Variants in NAP1L1 observed in about 807,000 individuals in gnomAD.
NAP1L1 encodes the protein nucleosome assembly protein 1 like 1.
NAP1L1 carries 9 observed loss-of-function variants against 58.9 expected under a neutral mutation model. That is an observed-to-expected ratio of 0.15 (90% CI 0.09 to 0.27). NAP1L1 has a LOEUF of 0.27. Among genes scored for constraint, NAP1L1 ranks in the 10% least tolerant of loss-of-function variants. The pLI is 1.00. For synonymous variants in NAP1L1, 130 were observed against 138.3 expected, an observed-to-expected ratio of 0.94 and a Z score of 0.42; for missense variants, 302 against 458.8, an observed-to-expected ratio of 0.66 and a Z score of 3.12.
chr12:76,049,174 T>C (rs1392918208), intron 14 of NAP1L1, 26 bp downstream of exon 14: 31 of 1,592,012 alleles, frequency 1.9e-5, no homozygotes, highest in Non-Finnish European at 2.5e-5. Context: ...TTAAATTTAA[T>C]AGAAAGCAGC....
chr12:76,054,966 T>A (rs926473896), intron 8 of NAP1L1, 53 bp downstream of exon 8: 172 of 1,308,002 alleles, frequency 1.3e-4, no homozygotes, highest in Non-Finnish European at 1.8e-4. Flanking sequence ...AAGCTTCTAT[T>A]TATCTACCTG....
intron 7 of NAP1L1, 34 bp from the exon 8 acceptor site, chr12:76,055,124 A>T (rs772285602): frequency 1.4e-5 from 20 of 1,446,378 alleles, no homozygotes; most frequent in Non-Finnish European, 1.9e-5. Context: ...AATGAATAAC[A>T]TGGCATTCGA....
intron 1 of NAP1L1, among the ~76,000 whole-genome samples, chr12:76,081,305 T>C (rs1181617656): frequency 3.9e-5 from 6 of 152,162 alleles, no homozygotes; most frequent in Non-Finnish European, 7.3e-5. Context: ...GCTACCTGTC[T>C]CTAAGTAAAT....
At chr12:76,057,598 G>A in intron 6 of NAP1L1, 3 of 1,121,288 alleles carry the variant, frequency 2.7e-6, no homozygotes, top group South Asian at 1.3e-5. Flanking sequence ...AAGGAACAGA[G>A]CCAAGTTAGA....
At chr12:76,052,999 G>C in intron 11 of NAP1L1, 92 bp downstream of exon 11, 1 of 1,265,552 alleles carries the variant, frequency 7.9e-7, no homozygotes, top group South Asian at 1.4e-5. Context: ...AGAACTCAAT[G>C]TAACAACCAT....
rs1374310629 is a variant in NAP1L1, at chr12:76,038,189, C to A, written c.*10240G>T. 6.6e-6 allele frequency: 1 copy of A among 151,988 alleles called. No individual in the cohort carries two copies. Among genetic ancestry groups the A allele is most frequent in the African/African-American group, 2.4e-5 (1 of 41,368 alleles). The allele number at this position is 151,988 out of a possible 1,614,324, so 9.4% of individuals were successfully genotyped here. On this transcript the variant is annotated 3_prime_UTR_variant, in exon 15 of 15. Coordinates refer to ENST00000618691, the MANE Select transcript of NAP1L1 (RefSeq NM_004537.7). The stretch of plus-strand genomic sequence containing the variant: ...CTGGGTCTCTGGGGTGACAAGATAC[C>A]CCAGTAACTAAGAGTGGAAGCAATC...
chr12:76,037,231 ACTT>A lies in NAP1L1; in HGVS notation c.*11195_*11197del, dbSNP rs367736374. 6.6e-6 allele frequency: 1 copy of A among 152,350 alleles called. No homozygotes were observed. The highest frequency in any genetic ancestry group is 2.4e-5 in the African/African-American group (1 of 41,564). 9.4% of individuals were successfully genotyped at this position (152,350 alleles called of 1,614,324 possible). ...TAAGTATTAACACAGAACTATCCAG[ACTT>A]CTTAGGTGGGTGTCCAGAGCTGCCT... On this transcript the variant is annotated 3_prime_UTR_variant, in exon 15 of 15. Coordinates refer to ENST00000618691, the MANE Select transcript of NAP1L1 (RefSeq NM_004537.7).
At position 76,042,789 on chromosome 12, in the gene NAP1L1, TAAG is replaced by T. The variant is rs1436688339; in HGVS notation, c.*5637_*5639del. 1 of 152,148 alleles carries T rather than the reference TAAG, an allele frequency of 6.6e-6. No homozygotes were observed. The highest frequency in any genetic ancestry group is 2.4e-5 in the African/African-American group (1 of 41,412). The allele number at this position is 152,148 out of a possible 1,614,324, so 9.4% of individuals were successfully genotyped here. On this transcript the variant is annotated 3_prime_UTR_variant, in exon 15 of 15. Transcript: ENST00000618691. Reference sequence around the variant, plus strand: ...AGTTTCTAAGTAATACTCCCTATTCTAAGAAGCCAGCAATCCTTGGAGAAATGG... The same window carrying T: ...AGTTTCTAAGTAATACTCCCTATTCTAAGCCAGCAATCCTTGGAGAAATGG...
Position 76,053,928 on chromosome 12 carries a change from A to AT in NAP1L1, c.631-20_631-19insA. 6.3e-7 allele frequency: 1 copy of AT among 1,591,676 alleles called. No homozygotes were observed. The highest frequency in any genetic ancestry group is 8.5e-7 in the Non-Finnish European group (1 of 1,173,728). On this transcript the variant is annotated intron_variant, in intron 8 of 14. Transcript: ENST00000618691. ...CAAAACTCTGGGGAGAGGAAGCATA[A>AT]AAATCAGTTAAATACCTACCTCACA...
rs1359709062 is a variant in NAP1L1, at chr12:76,037,298, A to G, written c.*11131T>C. 3 of 152,314 alleles carry G rather than the reference A, an allele frequency of 2.0e-5. No homozygotes were observed. The highest frequency in any genetic ancestry group is 4.4e-5 in the Non-Finnish European group (3 of 68,128). 9.4% of individuals were successfully genotyped at this position (152,314 alleles called of 1,614,324 possible). On this transcript the variant is annotated 3_prime_UTR_variant, in exon 15 of 15. Transcript: ENST00000618691. ...AGTAGTTGATGAACTGATGCCTCCT[A>G]GTGACCAATCTGTGTAACAGCTTAA...
In NAP1L1 at chr12:76,037,772, A is replaced by C. The variant is rs1871083974; in HGVS notation, c.*10657T>G. 1 of 152,136 alleles carries C rather than the reference A, an allele frequency of 6.6e-6. No individual in the cohort carries two copies. Among genetic ancestry groups the C allele is most frequent in the African/African-American group, 2.4e-5 (1 of 41,418 alleles). The allele number at this position is 152,136 out of a possible 1,614,324, so 9.4% of individuals were successfully genotyped here. ...CCTCTGGCTGAGTTAATTCCTTCCT[A>C]ATCACTTCAAACTCTGATGAGTAGT... is the stretch of plus-strand genomic sequence containing the variant. On this transcript the variant is annotated 3_prime_UTR_variant, in exon 15 of 15. Transcript: ENST00000618691.
chr12:76,076,778 T>C (rs1367629731), intron 1 of NAP1L1, among the ~76,000 whole-genome samples: 18 of 151,992 alleles, frequency 1.2e-4, no homozygotes, highest in Non-Finnish European at 2.2e-4. Flanking sequence ...GGTGATTGTA[T>C]TGTTGTTCAA....
rs1478346757 is a variant in NAP1L1 at position 76,044,118 on chromosome 12, A to G, written c.*4311T>C. On this transcript the variant is annotated 3_prime_UTR_variant, in exon 15 of 15. Coordinates refer to ENST00000618691, the MANE Select transcript of NAP1L1 (RefSeq NM_004537.7). ...GGAGGTCGAGACCAGCCTGGCCAAC[A>G]TGGTGAAAACCCATCTCTACTAAAA... 1 of 152,214 alleles carries G rather than the reference A, an allele frequency of 6.6e-6. No individual in the cohort carries two copies. The highest frequency in any genetic ancestry group is 1.5e-5 in the Non-Finnish European group (1 of 68,108). 9.4% of individuals were successfully genotyped at this position (152,214 alleles called of 1,614,324 possible). A position where few individuals can be genotyped will look rare whatever the true frequency, so the allele number is the denominator to read the frequency against.
intron 4 of NAP1L1, among the ~76,000 whole-genome samples, chr12:76,063,744 G>A (rs763351027): frequency 5.3e-5 from 8 of 151,934 alleles, no homozygotes; most frequent in African/African-American, 1.7e-4. Context: ...GCAGTGAGCC[G>A]TCATTGTGCC....
rs1444753619 is a variant in NAP1L1 at position 76,068,948 on chromosome 12, C to A, written c.64G>T (p.Val22Leu). The part of the protein sequence containing the change: ...LDQDLDDVEE[V>L]EEEETGEETK... ...TCTTCACCAGTTTCCTCTTCTTCTA[C>A]TTCTTCAACATCATCCAAATCTTGA... Residue 22 changes from valine (V) to leucine (L), a missense_variant, in exon 3 of 15, where the codon GTA becomes TTA. Val to Leu is a conservative substitution (Grantham distance 32, BLOSUM62 1). Transcript: ENST00000618691. 3.7e-6 allele frequency: 6 copies of A among 1,613,414 alleles called. No homozygotes were observed. Among genetic ancestry groups the A allele is most frequent in the Non-Finnish European group, 5.1e-6 (6 of 1,179,656 alleles).
chr12:76,050,167 C>T (rs533894389), intron 12 of NAP1L1, among the ~76,000 whole-genome samples: 1 of 152,282 alleles, frequency 6.6e-6, no homozygotes, highest in East Asian at 1.9e-4. Context: ...AACCATCATT[C>T]AATACTACCT....
chr12:76,070,318 G>A (rs753028031), intron 2 of NAP1L1, among the ~76,000 whole-genome samples: 1 of 152,060 alleles, frequency 6.6e-6, no homozygotes, highest in Admixed American at 6.6e-5. Flanking sequence ...AGACAGGCTG[G>A]GCTGGTCTCA....
intron 2 of NAP1L1, among the ~76,000 whole-genome samples, chr12:76,072,246 GA>G (rs2137074710): frequency 7.3e-6 from 1 of 136,388 alleles, no homozygotes; most frequent in African/African-American, 2.8e-5. Context: ...AAAGATGGAA[GA>G]AACATCCAGA....
intron 3 of NAP1L1, 52 bp from the exon 4 acceptor site, chr12:76,067,525 C>A: frequency 7.0e-7 from 1 of 1,423,502 alleles, no homozygotes; most frequent in South Asian, 1.2e-5. Flanking sequence ...ATGTATTATG[C>A]TTTTTTAATA....
Sources: gnomAD v4.1 joint callset for allele counts (sites outside exome capture counted in the v4.1 genomes callset) on GRCh38, gnomAD v4.1.1 for gene constraint, MANE v1.5 for transcripts, NCBI Gene and HGNC (gene_info 2026-07-23, HGNC 2026-07-21) for gene names.